Variants in SPATA6L observed in about 807,000 individuals in gnomAD.
The protein encoded by SPATA6L is spermatogenesis associated 6-like protein.
A neutral mutation model predicts 49.2 loss-of-function variants in SPATA6L; 68 were observed. The ratio of observed to expected loss-of-function variants is 1.38; its 90% CI spans 1.14 to 1.69. SPATA6L has a LOEUF of 1.69. SPATA6L is among the 40% of genes most tolerant of loss of function. The pLI, the probability that SPATA6L is intolerant of heterozygous loss-of-function variation, is 0.00. For synonymous variants in SPATA6L, 198 were observed against 165.7 expected, an observed-to-expected ratio of 1.19 and a Z score of -1.50; for missense variants, 668 against 464.3, an observed-to-expected ratio of 1.44 and a Z score of -4.03.
At chr9:4,594,907 C>T (rs1012631960), downstream of SPATA6L, among the ~76,000 whole-genome samples, 1 of 152,168 alleles carries the variant, frequency 6.6e-6, no homozygotes, top group Non-Finnish European at 1.5e-5. Context: ...CAGACAAGGC[C>T]TCCATTCTTC....
At chr9:4,619,904 A>C (rs1167525761) in intron 7 of SPATA6L, among the ~76,000 whole-genome samples, 1 of 152,200 alleles carries the variant, frequency 6.6e-6, no homozygotes, top group Non-Finnish European at 1.5e-5. Context: ...TTGATTAAAA[A>C]ATGTTTTTAA....
chr9:4,650,822 G>C (rs1419346204), intron 3 of SPATA6L, among the ~76,000 whole-genome samples: 2 of 140,306 alleles, frequency 1.4e-5, no homozygotes, highest in East Asian at 4.1e-4. Context: ...ACCAAACCCA[G>C]CTTGTGTGTG....
chr9:4,644,606 G>A (rs1434857079), intron 3 of SPATA6L, among the ~76,000 whole-genome samples: 1 of 149,698 alleles, frequency 6.7e-6, no homozygotes, highest in African/African-American at 2.5e-5. Context: ...AAGAAAAAAA[G>A]CAGAAATGCG....
intron 9 of SPATA6L, among the ~76,000 whole-genome samples, chr9:4,605,957 C>T (rs569317671): frequency 6.6e-6 from 1 of 152,140 alleles, no homozygotes; most frequent in Non-Finnish European, 1.5e-5. Flanking sequence ...TGTGCGCGCA[C>T]CGTGCGCGAG....
At chr9:4,660,695 G>T (rs1339396413) in intron 2 of SPATA6L, among the ~76,000 whole-genome samples, 2 of 152,188 alleles carry the variant, frequency 1.3e-5, no homozygotes, top group Non-Finnish European at 2.9e-5. Context: ...ATACCCAAAG[G>T]ATTATAAATC....
chr9:4,657,755 C>A (rs1343556937), intron 2 of SPATA6L, among the ~76,000 whole-genome samples: 1 of 152,114 alleles, frequency 6.6e-6, no homozygotes, highest in Non-Finnish European at 1.5e-5. Flanking sequence ...AGTTAGAGAT[C>A]AGCTGGCAGT....
At chr9:4,635,025 G>A (rs529860711) in intron 4 of SPATA6L, among the ~76,000 whole-genome samples, 1 of 152,292 alleles carries the variant, frequency 6.6e-6, no homozygotes, top group South Asian at 2.1e-4. Flanking sequence ...AACAAAAGGA[G>A]GCTTTTATAA....
rs186899682 is a variant in SPATA6L, at chr9:4,617,157, G to A, written c.995+766C>T. Reference sequence around the variant, plus strand: ...GGATATATTTACTCTGAGTCCCTTTGAGAGCAATTGCGTTATTTTGGTACG... The same window carrying A: ...GGATATATTTACTCTGAGTCCCTTTAAGAGCAATTGCGTTATTTTGGTACG... On this transcript the variant is annotated intron_variant, in intron 9 of 11. Coordinates refer to ENST00000682582, the MANE Select transcript of SPATA6L (RefSeq NM_001353486.2). Among the ~76,000 whole-genome samples, 270 of 152,278 alleles carry A rather than the reference G, an allele frequency of 1.8e-3. 2 individuals are homozygous for A. The highest frequency in any genetic ancestry group is 6.4e-3 in the African/African-American group (267 of 41,556).
chr9:4,650,002 G>A (rs915253603), intron 3 of SPATA6L, among the ~76,000 whole-genome samples: 28 of 152,182 alleles, frequency 1.8e-4, no homozygotes, highest in African/African-American at 6.3e-4. Context: ...ATAAATGCAG[G>A]AAATCAACTT....
chr9:4,643,067 G>T (rs1232980735), intron 3 of SPATA6L, among the ~76,000 whole-genome samples: 1 of 152,132 alleles, frequency 6.6e-6, no homozygotes, highest in African/African-American at 2.4e-5. Flanking sequence ...GAGTGCAGTG[G>T]TGCAATCTTA....
At chr9:4,595,458 A>T (rs1822185186), downstream of SPATA6L, among the ~76,000 whole-genome samples, 1 of 152,170 alleles carries the variant, frequency 6.6e-6, no homozygotes. Context: ...TCATCAGATT[A>T]ATACTTTGCT....
chr9:4,640,095 G>A (rs1276073258), intron 3 of SPATA6L, among the ~76,000 whole-genome samples: 3 of 152,356 alleles, frequency 2.0e-5, no homozygotes, highest in East Asian at 1.9e-4. Context: ...CCTGTTAAGT[G>A]AATGGGTGCC....
At chr9:4,589,795 G>GC (rs1278591233) in intron 13 of SPATA6L, among the ~76,000 whole-genome samples, 1 of 152,220 alleles carries the variant, frequency 6.6e-6, no homozygotes, top group East Asian at 1.9e-4. Context: ...TGGAAGCAGG[G>GC]CCCCCCGTGG....
chr9:4,606,177 A>G (rs866461973), intron 9 of SPATA6L, among the ~76,000 whole-genome samples: 62 of 150,708 alleles, frequency 4.1e-4, no homozygotes, highest in Admixed American at 7.3e-4. Context: ...GATTGCTAGC[A>G]CAGCAGTCTG....
At chr9:4,665,836 GC>G (rs1840779090) in intron 1 of SPATA6L, among the ~76,000 whole-genome samples, 1 of 152,204 alleles carries the variant, frequency 6.6e-6, no homozygotes, top group Admixed American at 6.5e-5. Context: ...AAGTGATGGA[GC>G]TTTTTAAAAT....
At chr9:4,602,846 T>A (rs976301583) in intron 11 of SPATA6L, among the ~76,000 whole-genome samples, 102 of 152,324 alleles carry the variant, frequency 6.7e-4, no homozygotes, top group African/African-American at 2.4e-3. Flanking sequence ...TATGCCTCAG[T>A]TTTCCTATCT....
chr9:4,660,916 C>G (rs1839528095), intron 2 of SPATA6L, among the ~76,000 whole-genome samples: 1 of 152,064 alleles, frequency 6.6e-6, no homozygotes, highest in African/African-American at 2.4e-5. Flanking sequence ...TCATTCTCAG[C>G]AAACTATCAC....
intron 3 of SPATA6L, among the ~76,000 whole-genome samples, chr9:4,639,013 G>A (rs1833462607): frequency 6.6e-6 from 1 of 152,066 alleles, no homozygotes; most frequent in Admixed American, 6.6e-5. Flanking sequence ...GTGATCTGGG[G>A]CAAATCATGT....
rs1167119351 is a variant in SPATA6L at position 4,662,519 on chromosome 9, C to T, written c.40-483G>A. ...TCCAGTCCCTGCTCAGCAGCCGCGC[C>T]ACGGCCGTGGACCCCACCTGCGCCC... is the stretch of plus-strand genomic sequence containing the variant. On this transcript the variant is annotated intron_variant, in intron 1 of 11. Transcript: ENST00000682582. The surrounding 1 kb of genome is among the most constrained non-coding windows in gnomAD (Gnocchi z 4.9). 1 of 1,562,016 alleles carries T rather than the reference C, an allele frequency of 6.4e-7. No individual in the cohort carries two copies. Among genetic ancestry groups the T allele is most frequent in the Non-Finnish European group, 8.6e-7 (1 of 1,163,384 alleles).
Sources: gnomAD v4.1 joint callset for allele counts (sites outside exome capture counted in the v4.1 genomes callset) on GRCh38, gnomAD v4.1.1 for gene constraint, Gnocchi (gnomAD v3.1) non-coding constraint, MANE v1.5 for transcripts, NCBI Gene and HGNC (gene_info 2026-07-23, HGNC 2026-07-21) for gene names.